Variants in PTPRC observed in about 807,000 individuals in gnomAD.
PTPRC encodes the protein receptor-type tyrosine-protein phosphatase C.
In PTPRC, 44 loss-of-function variants were observed where a neutral mutation model predicts 155.9. The observed-to-expected ratio is 0.28, with a 90% CI of 0.22 to 0.36. PTPRC has a LOEUF of 0.36. PTPRC is among the 10% of genes least tolerant of loss of function. The pLI is 1.00. For synonymous variants in PTPRC, 525 were observed against 533.1 expected (o/e 0.98, Z 0.21); for missense variants, 1,401 against 1,564.6 (o/e 0.90, Z 1.76).
intron 3 of PTPRC, chr1:198,694,929 A>T (rs1666120296): frequency 1.0e-6 from 1 of 980,400 alleles, no homozygotes; most frequent in Non-Finnish European, 1.2e-6. Flanking sequence ...GCATGTCATT[A>T]TGGGTAAAAG....
chr1:198,728,535 A>T (rs1360608352), intron 16 of PTPRC, 87 bp downstream of exon 16: 4 of 1,505,062 alleles, frequency 2.7e-6, no homozygotes, highest in African/African-American at 1.4e-5. Context: ...GAACCAGTTA[A>T]ATGAAATATG....
chr1:198,650,156 G>C (rs1663168252), intron 2 of PTPRC, among the ~76,000 whole-genome samples: 1 of 151,822 alleles, frequency 6.6e-6, no homozygotes, highest in Non-Finnish European at 1.5e-5. Context: ...AGCAGGTTGT[G>C]GTGAGGCTAG....
chr1:198,652,273 G>A (rs1663294337), intron 2 of PTPRC, among the ~76,000 whole-genome samples: 1 of 151,626 alleles, frequency 6.6e-6, no homozygotes. Context: ...TAAAAGACTA[G>A]GAGAGAACTA....
At position 198,757,166 on chromosome 1, in the gene PTPRC, T is replaced by C. The variant is rs900190603; in HGVS notation, c.*985T>C. ...TGCATAGTTCCCATGTTAAATCCCA[T>C]TCATAACTTTCATTAAAGCATTTAC... On this transcript the variant is annotated 3_prime_UTR_variant, in exon 33 of 33. Transcript: ENST00000442510. 4.6e-5 allele frequency: 7 copies of C among 151,982 alleles called. No individual in the cohort carries two copies. The highest frequency in any genetic ancestry group is 1.7e-4 in the African/African-American group (7 of 41,548). 9.4% of individuals were successfully genotyped at this position (151,982 alleles called of 1,614,324 possible). A position where few individuals can be genotyped will look rare whatever the true frequency, so the allele number is the denominator to read the frequency against.
chr1:198,732,319 G>A lies in PTPRC; in HGVS notation c.1994G>A (p.Ser665Asn). The A allele has an allele frequency of 6.2e-7, 1 of 1,612,392 alleles. No individual in the cohort carries two copies. The change falls in exon 19 of 33, where the codon AGC becomes AAC. Residue 665 changes from serine to asparagine, a missense_variant. Transcript: ENST00000442510. Reference protein sequence around the residue: ...AEFQSIPRVFSKFPIKEARKP... With the variant: ...AEFQSIPRVFNKFPIKEARKP... ...TTTCAGAGCATCCCGCGGGTGTTCA[G>A]CAAGTTTCCTATAAAGGAAGCTCGA...
chr1:198,727,678 A>C (rs1416754357), intron 15 of PTPRC, among the ~76,000 whole-genome samples: 1 of 152,018 alleles, frequency 6.6e-6, no homozygotes, highest in Admixed American at 6.6e-5. Context: ...TCACCGCATT[A>C]TTTTGCTGCA....
intron 14 of PTPRC, among the ~76,000 whole-genome samples, chr1:198,719,772 G>A (rs1653792198): frequency 6.6e-6 from 1 of 151,822 alleles, no homozygotes. Context: ...CACCACACCT[G>A]GCAAATTTTT....
chr1:198,690,929 A>G (rs1665889026), intron 2 of PTPRC, among the ~76,000 whole-genome samples: 1 of 152,106 alleles, frequency 6.6e-6, no homozygotes, highest in South Asian at 2.1e-4. Context: ...AACCCAGATG[A>G]TAAATCCAGT....
intron 2 of PTPRC, chr1:198,680,151 T>C (rs1665230256): frequency 5.0e-6 from 2 of 397,932 alleles, no homozygotes; most frequent in Non-Finnish European, 4.5e-6. Flanking sequence ...GGCTCATTTA[T>C]AGGATTTTAA....
rs1227230049 is a variant in PTPRC at position 198,744,163 on chromosome 1, A to T, written c.2807A>T (p.Asp936Val). 4 of 1,607,184 alleles carry T rather than the reference A, an allele frequency of 2.5e-6. No individual in the cohort carries two copies. Among genetic ancestry groups the T allele is most frequent in the Non-Finnish European group, 3.4e-6 (4 of 1,174,670 alleles). The change falls in exon 26 of 33, where the codon GAT becomes GTT. Residue 936 changes from aspartate (D) to valine (V), a missense_variant. By Grantham distance (152) the Asp-to-Val change is radical. Coordinates refer to ENST00000442510, the MANE Select transcript of PTPRC (RefSeq NM_002838.5). ...HPYLHNMKKR[D>V]PPSEPSPLEA... is the part of the protein sequence containing the mutation. Reference sequence around the variant, plus strand: ...TATCTACATAACATGAAGAAAAGGGATCCACCCAGTGAGCCGTCTCCACTA... The same window carrying T: ...TATCTACATAACATGAAGAAAAGGGTTCCACCCAGTGAGCCGTCTCCACTA...
intron 17 of PTPRC, among the ~76,000 whole-genome samples, chr1:198,729,417 ATTT>A (rs1245677271): frequency 2.0e-5 from 3 of 151,852 alleles, no homozygotes; most frequent in African/African-American, 7.3e-5. Context: ...TAATTTTTGT[ATTT>A]TTAGTAGAGA....
chr1:198,653,489 A>G (rs1229514052), intron 2 of PTPRC, among the ~76,000 whole-genome samples: 2 of 151,924 alleles, frequency 1.3e-5, no homozygotes, highest in South Asian at 2.1e-4. Flanking sequence ...ACAAATTGAA[A>G]TACTGAAATA....
Position 198,654,003 on chromosome 1 carries a change from G to A in PTPRC, c.73+14662G>A, listed in dbSNP as rs138786374. On this transcript the variant is annotated intron_variant, in intron 2 of 32. Transcript: ENST00000442510. Reference sequence around the variant, plus strand: ...TGATGGCAAGAAAACATTTCCTTCCGCTGGCTTTTCTAATAACTCCCTCTT... The same window carrying A: ...TGATGGCAAGAAAACATTTCCTTCCACTGGCTTTTCTAATAACTCCCTCTT... Among the ~76,000 whole-genome samples, 984 of 151,742 alleles carry A rather than the reference G, an allele frequency of 6.5e-3. 7 individuals carry two copies. The highest frequency in any genetic ancestry group is 0.011 in the Non-Finnish European group (774 of 67,806).
rs193291903 is a variant in PTPRC at position 198,734,131 on chromosome 1, T to A, written c.2143-65T>A. Reference sequence around the variant, plus strand: ...CTGAAGCAATTCCTCTAACTCACAATTTTTCCTGTTAATGAGTAATTGAAT... The same window carrying A: ...CTGAAGCAATTCCTCTAACTCACAAATTTTCCTGTTAATGAGTAATTGAAT... On this transcript the variant is annotated intron_variant, in intron 20 of 32. Coordinates refer to ENST00000442510, the MANE Select transcript of PTPRC (RefSeq NM_002838.5). 3,475 of 1,494,342 alleles carry A rather than the reference T, an allele frequency of 2.3e-3. 9 individuals are homozygous for A. Among genetic ancestry groups the A allele is most frequent in the Non-Finnish European group, 3.0e-3 (3,202 of 1,077,902 alleles). The allele number at this position is 1,494,342 out of a possible 1,614,324, so 92.6% of individuals were successfully genotyped here.
chr1:198,729,087 A>C, intron 16 of PTPRC, 50 bp from the exon 17 acceptor site: 1 of 1,589,678 alleles, frequency 6.3e-7, no homozygotes, highest in South Asian at 1.1e-5. Context: ...ATACCAATTG[A>C]ATTTTGTGCT....
At position 198,735,244 on chromosome 1, in the gene PTPRC, A is replaced by C. The variant is rs185420520; in HGVS notation, c.2395A>C (p.Ile799Leu). ...CPDYIIQKLN[I>L]VNKKEKATGR... Reference sequence around the variant, plus strand: ...AGATTACATCATTCAGAAATTGAACATTGTAAATGTGAGTTTGCTTTTTAC... The same window carrying C: ...AGATTACATCATTCAGAAATTGAACCTTGTAAATGTGAGTTTGCTTTTTAC... Residue 799 changes from isoleucine to leucine, a missense_variant, in exon 23 of 33, where the codon ATT becomes CTT. Transcript: ENST00000442510. 1 of 1,599,446 alleles carries C rather than the reference A, an allele frequency of 6.3e-7. No homozygotes were observed. The highest frequency in any genetic ancestry group is 1.1e-5 in the South Asian group (1 of 87,978).
At chr1:198,733,133 TAC>T (rs1654473061) in intron 20 of PTPRC, among the ~76,000 whole-genome samples, 1 of 151,864 alleles carries the variant, frequency 6.6e-6, no homozygotes, top group African/African-American at 2.4e-5. Flanking sequence ...TAATTTATTA[TAC>T]AAATGTTAAT....
At chr1:198,697,010 T>A in intron 4 of PTPRC, 101 bp downstream of exon 4, 1 of 1,115,274 alleles carries the variant, frequency 9.0e-7, no homozygotes, top group South Asian at 1.2e-5. Context: ...GCACAGTTTC[T>A]AAGTATGTGA....
At position 198,708,210 on chromosome 1, in the gene PTPRC, A is replaced by T. The variant is rs41314039; in HGVS notation, c.982A>T (p.Ile328Phe). 1 of 1,606,152 alleles carries T rather than the reference A, an allele frequency of 6.2e-7. No homozygotes were observed. Among genetic ancestry groups the T allele is most frequent in the South Asian group, 1.1e-5 (1 of 90,924 alleles). Reference sequence around the variant, plus strand: ...TACTATTTGTTTAAAATGGAAAAATATTGAAACCTTTACTTGTGATACACA... The same window carrying T: ...TACTATTTGTTTAAAATGGAAAAATTTTGAAACCTTTACTTGTGATACACA... ...DTTICLKWKN[I>F]ETFTCDTQNI... is the part of the protein sequence containing the mutation. Residue 328 changes from isoleucine (I) to phenylalanine (F), a missense_variant, in exon 10 of 33, where the codon ATT becomes TTT. Around this residue, in one of 3 missense-constraint regions of PTPRC, gnomAD observed 867 missense variants for 970.4 expected, o/e 0.89. Transcript: ENST00000442510.
Sources: gnomAD v4.1 joint callset for allele counts (sites outside exome capture counted in the v4.1 genomes callset) on GRCh38, gnomAD v4.1.1 for gene constraint, gnomAD v4.1.1 regional missense constraint, MANE v1.5 for transcripts, NCBI Gene and HGNC (gene_info 2026-07-23, HGNC 2026-07-21) for gene names.